The following SP3 variants were observed in gnomAD, a reference collection of about 807,000 sequenced individuals.
The protein encoded by SP3 is Sp3 transcription factor, also known as transcription factor Sp3.
Under a neutral mutation model 70.3 loss-of-function variants are expected in SP3, and 10 were observed. That is an observed-to-expected ratio of 0.14 (90% CI 0.09 to 0.24). The LOEUF (loss-of-function observed/expected upper bound fraction) is 0.24. Ranked by LOEUF, SP3 falls within the 10% of genes least tolerant of loss-of-function variation. The pLI, the probability that SP3 is intolerant of heterozygous loss-of-function variation, is 1.00. For synonymous variants in SP3, 402 were observed against 333.5 expected (o/e 1.21, Z -2.24); for missense variants, 825 against 914.6 (o/e 0.90, Z 1.26).
At chr2:173,918,069 T>G (rs1300457230) in intron 5 of SP3, among the ~76,000 whole-genome samples, 2 of 151,954 alleles carry the variant, frequency 1.3e-5, no homozygotes, top group Non-Finnish European at 2.9e-5. Context: ...TTAACATAAT[T>G]TCTGATCATT....
In SP3 at chr2:173,944,332, G is replaced by A. The variant is rs189810694; in HGVS notation, c.1639+10541C>T. Among the ~76,000 whole-genome samples the A allele has an allele frequency of 2.6e-5, 4 of 152,258 alleles. No homozygotes were observed. The South Asian group carries it at 8.3e-4, about 32-fold the overall frequency. Reference sequence around the variant, plus strand: ...GCGGACTGCTTGAGCTCAGGAGTTCGAGGCCACCCTGGGCAACATGGCAAA... The same window carrying A: ...GCGGACTGCTTGAGCTCAGGAGTTCAAGGCCACCCTGGGCAACATGGCAAA... On this transcript the variant is annotated intron_variant, in intron 4 of 6. Transcript: ENST00000310015.
intron 4 of SP3, among the ~76,000 whole-genome samples, chr2:173,951,835 TATA>T (rs1359788197): frequency 2.6e-5 from 4 of 152,204 alleles, no homozygotes; most frequent in Non-Finnish European, 5.9e-5. Context: ...GATTTTATAA[TATA>T]ATGAGTTGGT....
At chr2:173,960,133 C>T (rs989814033) in intron 3 of SP3, among the ~76,000 whole-genome samples, 1 of 152,174 alleles carries the variant, frequency 6.6e-6, no homozygotes, top group Non-Finnish European at 1.5e-5. Context: ...TCACACACCT[C>T]CATTCCAGCC....
At chr2:173,963,173 CAAA>C (rs11379532) in intron 3 of SP3, 1 of 150,916 alleles carries the variant, frequency 6.6e-6, no homozygotes, top group Non-Finnish European at 1.5e-5. Context: ...ACCCCCCTTA[CAAA>C]AAAAAAGTCA....
At chr2:173,962,372 T>C (rs1255311935) in intron 3 of SP3, among the ~76,000 whole-genome samples, 5 of 152,376 alleles carry the variant, frequency 3.3e-5, no homozygotes, top group Admixed American at 6.5e-5. Context: ...TGCAGTAGTT[T>C]TTTAAGATAC....
Position 173,965,165 on chromosome 2 carries a change from C to T in SP3, c.7G>A (p.Ala3Thr). ...GGGTTGCTCTCTCGGCTTTACGTAC[C>T]GGTCATAGTGTGTTTAGGGCACCTC... is the stretch of plus-strand genomic sequence containing the variant. MT[A>T]PEKPVKQEEM... The change falls in exon 1 of 7, where the codon GCT becomes ACT. Residue 3 changes from alanine (A) to threonine (T), a missense_variant and splice_region_variant. Coordinates refer to ENST00000310015, the MANE Select transcript of SP3 (RefSeq NM_003111.5). The T allele has an allele frequency of 6.5e-7, 1 of 1,547,622 alleles. No homozygotes were observed. The highest frequency in any genetic ancestry group is 8.7e-7 in the Non-Finnish European group (1 of 1,145,886).
At chr2:173,959,452 C>A (rs1690992380) in intron 3 of SP3, among the ~76,000 whole-genome samples, 1 of 151,436 alleles carries the variant, frequency 6.6e-6, no homozygotes, top group Admixed American at 6.6e-5. Flanking sequence ...CGTGACAGGG[C>A]CGGTGGCTCA....
chr2:173,911,103 T>C (rs968609873), intron 6 of SP3, among the ~76,000 whole-genome samples: 2 of 152,226 alleles, frequency 1.3e-5, no homozygotes, highest in East Asian at 3.8e-4. Context: ...CTACTCTACA[T>C]AGGTCTTTAT....
intron 4 of SP3, among the ~76,000 whole-genome samples, chr2:173,947,640 G>A (rs971467296): frequency 1.3e-5 from 2 of 152,114 alleles, no homozygotes; most frequent in African/African-American, 4.8e-5. Flanking sequence ...CAAGCATACT[G>A]ATTTTCAAAG....
intron 4 of SP3, among the ~76,000 whole-genome samples, chr2:173,944,820 C>CA (rs918213870): frequency 7.3e-5 from 11 of 151,196 alleles, no homozygotes; most frequent in South Asian, 4.2e-4. Context: ...CAAAACAAAC[C>CA]AAAAAAAACC....
chr2:173,935,163 G>A (rs1375467631), intron 4 of SP3, among the ~76,000 whole-genome samples: 1 of 152,180 alleles, frequency 6.6e-6, no homozygotes, highest in Non-Finnish European at 1.5e-5. Context: ...GAGCCCAGGA[G>A]GTTCGGGGCT....
chr2:173,927,576 C>G (rs1167137321), intron 4 of SP3, among the ~76,000 whole-genome samples: 3 of 152,144 alleles, frequency 2.0e-5, no homozygotes, highest in African/African-American at 7.2e-5. Flanking sequence ...CCCCACCCGA[C>G]CTATATCATT....
At chr2:173,944,399 G>T in intron 4 of SP3, among the ~76,000 whole-genome samples, 1 of 152,112 alleles carries the variant, frequency 6.6e-6, no homozygotes, top group Non-Finnish European at 1.5e-5. Context: ...GCCAGGTGTG[G>T]TGGCACACAC....
In SP3 at chr2:173,902,768, T is replaced by C. The variant is rs1371167894; in HGVS notation, c.*7173A>G. Among the ~76,000 whole-genome samples the C allele has an allele frequency of 6.6e-6, 1 of 152,194 alleles. No individual in the cohort carries two copies. The highest frequency in any genetic ancestry group is 1.5e-5 in the Non-Finnish European group (1 of 68,022). ...AAAATCAGAAAAACAATCCTAGGTA[T>C]GCATACATATAATAAGGATATAAAA... On this transcript the variant is annotated 3_prime_UTR_variant, in exon 7 of 7. Transcript: ENST00000310015.
At chr2:173,926,812 A>T (rs371187850) in intron 4 of SP3, among the ~76,000 whole-genome samples, 40 of 151,936 alleles carry the variant, frequency 2.6e-4, no homozygotes, top group African/African-American at 8.9e-4. Context: ...AAAATATTCT[A>T]AAAAAAATAG....
At chr2:173,935,348 C>CA (rs887957138) in intron 4 of SP3, among the ~76,000 whole-genome samples, 48 of 152,140 alleles carry the variant, frequency 3.2e-4, no homozygotes, top group African/African-American at 1.1e-3. Flanking sequence ...CTAGAACTGA[C>CA]AGACAATCCA....
chr2:173,964,244 G>A (rs867385196), intron 2 of SP3, 161 bp downstream of exon 2: 5 of 506,374 alleles, frequency 9.9e-6, no homozygotes, highest in Non-Finnish European at 1.0e-5. Flanking sequence ...CGGGGTCGGA[G>A]CGTTGGCGCC....
At chr2:173,932,143 C>T (rs755281280) in intron 4 of SP3, among the ~76,000 whole-genome samples, 22 of 152,174 alleles carry the variant, frequency 1.4e-4, no homozygotes, top group Non-Finnish European at 2.9e-4. Context: ...GCAATTCTTC[C>T]TTTCACTTGA....
At position 173,906,918 on chromosome 2, in the gene SP3, A is replaced by AGTTCTT. The variant is rs1689341622; in HGVS notation, c.*3022_*3023insAAGAAC. On this transcript the variant is annotated 3_prime_UTR_variant, in exon 7 of 7. Transcript: ENST00000310015. ...CAATTTCTAATGAACAATACTGTTT[A>AGTTCTT]AGAACTATTTTCTATGAAATAGGCT... 6.6e-6 allele frequency: 1 copy of AGTTCTT among 152,228 alleles called. No individual in the cohort carries two copies. The highest frequency in any genetic ancestry group is 2.4e-5 in the African/African-American group (1 of 41,452). The allele number at this position is 152,228 out of a possible 1,614,324, so 9.4% of individuals were successfully genotyped here.
Sources: allele counts gnomAD v4.1 joint callset (sites outside exome capture counted in the v4.1 genomes callset), GRCh38; gene constraint gnomAD v4.1.1; transcripts MANE v1.5; gene names NCBI Gene and HGNC (gene_info 2026-07-23, HGNC 2026-07-21).